Variants in TMEM229B observed in about 807,000 individuals in gnomAD.
TMEM229B encodes chromosome 14 open reading frame 83.
In TMEM229B, 6 loss-of-function variants were observed where a neutral mutation model predicts 13.7. The observed-to-expected ratio is 0.44, with a 90% CI of 0.24 to 0.86. The LOEUF (loss-of-function observed/expected upper bound fraction) is 0.86. TMEM229B is among the 40% of genes least tolerant of loss of function. The probability of loss-of-function intolerance (pLI) is 0.23; values close to 1 mark genes in which losing one functional copy is unlikely to be tolerated. For synonymous variants in TMEM229B, 107 were observed against 102.1 expected (o/e 1.05, Z -0.29); for missense variants, 170 against 236.0 (o/e 0.72, Z 1.83).
At chr14:67,482,289 C>T (rs1013040110) in intron 2 of TMEM229B, among the ~76,000 whole-genome samples, 6 of 152,200 alleles carry the variant, frequency 3.9e-5, no homozygotes, top group African/African-American at 1.2e-4. Flanking sequence ...GGTAAAGAGG[C>T]TGCCATAAAA....
intron 1 of TMEM229B, among the ~76,000 whole-genome samples, chr14:67,499,917 G>A (rs1297337197): frequency 3.3e-5 from 5 of 152,164 alleles, no homozygotes; most frequent in Non-Finnish European, 7.3e-5. Flanking sequence ...ACACCTGGGG[G>A]CTGCGGATTA....
intron 2 of TMEM229B, among the ~76,000 whole-genome samples, chr14:67,475,550 A>G (rs918351380): frequency 6.6e-6 from 1 of 151,722 alleles, no homozygotes; most frequent in Non-Finnish European, 1.5e-5. Context: ...CACCCCAAAC[A>G]CTTGTTATTT....
At chr14:67,526,535 G>A (rs1021166896) in intron 1 of TMEM229B, among the ~76,000 whole-genome samples, 3 of 152,222 alleles carry the variant, frequency 2.0e-5, no homozygotes, top group Non-Finnish European at 2.9e-5. Context: ...ACATCTCAGT[G>A]TTCTAGCCCC....
chr14:67,531,526 C>T (rs2033448816), intron 1 of TMEM229B, among the ~76,000 whole-genome samples: 2 of 151,832 alleles, frequency 1.3e-5, no homozygotes, highest in Admixed American at 1.3e-4. Context: ...TCTCTTCTGC[C>T]CTCTACAGAA....
At chr14:67,496,401 T>TTTTTTTG (rs2032377434) in intron 1 of TMEM229B, among the ~76,000 whole-genome samples, 1 of 124,478 alleles carries the variant, frequency 8.0e-6, no homozygotes, top group South Asian at 3.1e-4. Context: ...GTTTTTTTTT[T>TTTTTTTG]TTTTTTTTTT....
Position 67,471,929 on chromosome 14 carries a change from C to T in TMEM229B, c.*1491G>A, listed in dbSNP as rs1403895150. On this transcript the variant is annotated 3_prime_UTR_variant, in exon 3 of 3. Transcript: ENST00000554480. ...AGACCATGTACCATGGGGTGGGCCA[C>T]TTTCTAACGGACCCTTCCCCTTGAG... is the stretch of plus-strand genomic sequence containing the variant. 2 of 152,312 alleles carry T rather than the reference C, an allele frequency of 1.3e-5. No homozygotes were observed. Among genetic ancestry groups the T allele is most frequent in the African/African-American group, 4.8e-5 (2 of 41,470 alleles). 9.4% of individuals were successfully genotyped at this position (152,312 alleles called of 1,614,324 possible).
At chr14:67,479,812 G>A (rs1236258122) in intron 2 of TMEM229B, among the ~76,000 whole-genome samples, 1 of 152,194 alleles carries the variant, frequency 6.6e-6, no homozygotes, top group African/African-American at 2.4e-5. Flanking sequence ...CTAAGCAAAT[G>A]AACCCAAAGA....
chr14:67,490,459 C>G (rs1042895904), upstream of TMEM229B, among the ~76,000 whole-genome samples: 1 of 152,194 alleles, frequency 6.6e-6, no homozygotes, highest in Non-Finnish European at 1.5e-5. Context: ...AGGGGCCAAG[C>G]GCAGGTTCAG....
At chr14:67,516,981 A>T (rs1455412223), upstream of TMEM229B, among the ~76,000 whole-genome samples, 1 of 152,234 alleles carries the variant, frequency 6.6e-6, no homozygotes, top group Non-Finnish European at 1.5e-5. Context: ...TGACCCAAGG[A>T]CATCATGCAT....
rs1224949963 is a variant in TMEM229B, at chr14:67,473,764, C to A, written c.160G>T (p.Gly54Cys). 6.2e-7 allele frequency: 1 copy of A among 1,613,762 alleles called. No individual in the cohort carries two copies. The highest frequency in any genetic ancestry group is 1.7e-4 in the Middle Eastern group (1 of 6,058). ...VTSVWALFIY[G>C]TSILIVERMY... ...CGCTCCACGATGAGGATGGAGGTGC[C>A]GTAGATGAAGAGGGCCCACACGCTC... Residue 54 changes from glycine to cysteine, a missense_variant, in exon 3 of 3, where the codon GGC (glycine) becomes TGC (cysteine). By Grantham distance (159) the Gly-to-Cys change is radical (BLOSUM62 -3). Around this residue, in one of 4 missense-constraint regions of TMEM229B, gnomAD observed 36 missense variants for 83.8 expected, o/e 0.43. Coordinates refer to ENST00000554480, the MANE Select transcript of TMEM229B (RefSeq NM_001348543.2). The surrounding 1 kb of genome is among the most constrained non-coding windows in gnomAD (Gnocchi z 6.5).
intron 2 of TMEM229B, among the ~76,000 whole-genome samples, chr14:67,474,914 C>CTTTTTTTTT (rs71129825): frequency 1.6e-5 from 2 of 124,958 alleles, no homozygotes; most frequent in African/African-American, 6.3e-5. Flanking sequence ...GAATTTCCTT[C>CTTTTTTTTT]TTTTTTTTTT....
chr14:67,498,661 T>C lies in TMEM229B; in HGVS notation c.-191-11489A>G, dbSNP rs572796841. The stretch of plus-strand genomic sequence containing the variant: ...CTCCCAGAATAAAGGCAATGTGTTT[T>C]GTTGTTGTTGGTTTTCCTTTTTAAG... On this transcript the variant is annotated intron_variant, in intron 1 of 2. Transcript: ENST00000357461. Among the ~76,000 whole-genome samples the C allele has an allele frequency of 1.5e-3, 222 of 152,274 alleles. 2 individuals carry two copies. Among genetic ancestry groups the C allele is most frequent in the Middle Eastern group, 0.014 (4 of 294 alleles).
At chr14:67,513,640 T>C (rs2033100128) in intron 1 of TMEM229B, among the ~76,000 whole-genome samples, 2 of 152,222 alleles carry the variant, frequency 1.3e-5, no homozygotes, top group South Asian at 4.1e-4. Flanking sequence ...CAAAGTGTCC[T>C]GACAGGCCCA....
At chr14:67,481,004 G>A (rs1324059058) in intron 2 of TMEM229B, among the ~76,000 whole-genome samples, 1 of 152,172 alleles carries the variant, frequency 6.6e-6, no homozygotes, top group Non-Finnish European at 1.5e-5. Context: ...GGAAGTTGCT[G>A]AACAGAAGAG....
chr14:67,501,255 T>C (rs2032601030), intron 1 of TMEM229B, among the ~76,000 whole-genome samples: 3 of 151,958 alleles, frequency 2.0e-5, no homozygotes, highest in Admixed American at 2.0e-4. Flanking sequence ...AACGGAGGGA[T>C]TGTCTCACAG....
rs980648042 is a variant in TMEM229B, at chr14:67,472,681, G to C, written c.*739C>G. On this transcript the variant is annotated 3_prime_UTR_variant, in exon 3 of 3. Coordinates refer to ENST00000554480, the MANE Select transcript of TMEM229B (RefSeq NM_001348543.2). ...GGAGCTGGGGTGGGGCAGGTGTGGC[G>C]ACCGACGTGGATAAAGAGCCGCTAG... The C allele has an allele frequency of 1.3e-5, 2 of 152,844 alleles. No homozygotes were observed. Among genetic ancestry groups the C allele is most frequent in the African/African-American group, 4.8e-5 (2 of 41,412 alleles). 9.5% of individuals were successfully genotyped at this position (152,844 alleles called of 1,614,324 possible). A position where few individuals can be genotyped will look rare whatever the true frequency, so the allele number is the denominator to read the frequency against.
At chr14:67,533,216 C>G (rs1056660102) in intron 1 of TMEM229B, 2 of 151,602 alleles carry the variant, frequency 1.3e-5, no homozygotes, top group Admixed American at 6.6e-5. Context: ...GCAGCGAGCC[C>G]GCGGGCACCC....
chr14:67,501,077 A>ATAATAT (rs1555360701), intron 1 of TMEM229B, among the ~76,000 whole-genome samples: 6 of 148,626 alleles, frequency 4.0e-5, no homozygotes, highest in African/African-American at 1.5e-4. Flanking sequence ...AATAATAATA[A>ATAATAT]TAATAATAAA....
Position 67,473,314 on chromosome 14 carries a change from T to C in TMEM229B, c.*106A>G. 6.7e-7 allele frequency: 1 copy of C among 1,482,318 alleles called. No homozygotes were observed. Among genetic ancestry groups the C allele is most frequent in the Non-Finnish European group, 9.2e-7 (1 of 1,091,986 alleles). The allele number at this position is 1,482,318 out of a possible 1,614,324, so 91.8% of individuals were successfully genotyped here. ...CTGTGTGCCCTATAGGGCTGAGGCT[T>C]GGCCGGAGCAGGGCTTTTGCTGCAT... On this transcript the variant is annotated 3_prime_UTR_variant, in exon 3 of 3. Coordinates refer to ENST00000554480, the MANE Select transcript of TMEM229B (RefSeq NM_001348543.2). This position sits in a 1 kb window ranked among gnomAD's most constrained non-coding sequence, Gnocchi z 6.5.
Sources: allele counts gnomAD v4.1 joint callset (sites outside exome capture counted in the v4.1 genomes callset), GRCh38; gene constraint gnomAD v4.1.1; regional missense constraint gnomAD v4.1.1; non-coding constraint Gnocchi (gnomAD v3.1); transcripts MANE v1.5; gene names NCBI Gene and HGNC (gene_info 2026-07-23, HGNC 2026-07-21).